TTC28: variants seen among roughly 807,000 people sequenced by gnomAD.
TTC28 encodes the protein tetratricopeptide repeat protein 28.
In TTC28, 61 loss-of-function variants were observed where a neutral mutation model predicts 198.0. The ratio of observed to expected loss-of-function variants is 0.31; its 90% CI spans 0.25 to 0.38. The LOEUF is 0.38. Among genes scored for constraint, TTC28 ranks in the 10% least tolerant of loss-of-function variants. TTC28 has a pLI of 1.00. For missense variants in TTC28, 2,678 were observed against 3,164.0 expected (o/e 0.85, Z 3.69); for synonymous variants, 1,171 against 1,297.8 (o/e 0.90, Z 2.10).
At chr22:28,026,827 T>C (rs925758291) in intron 13 of TTC28, among the ~76,000 whole-genome samples, 1 of 152,218 alleles carries the variant, frequency 6.6e-6, no homozygotes, top group African/African-American at 2.4e-5. Flanking sequence ...CTCCACATTG[T>C]GTCACACACA....
At chr22:28,022,678 C>T (rs1378338217) in intron 13 of TTC28, among the ~76,000 whole-genome samples, 2 of 152,258 alleles carry the variant, frequency 1.3e-5, no homozygotes, top group Non-Finnish European at 2.9e-5. Context: ...AACCAGGATG[C>T]TCCTAAATCC....
At chr22:28,173,122 C>G (rs929503619) in intron 5 of TTC28, among the ~76,000 whole-genome samples, 16 of 152,156 alleles carry the variant, frequency 1.1e-4, no homozygotes, top group Admixed American at 3.3e-4. Context: ...GACCAAACAC[C>G]TATATTGCTG....
At chr22:28,670,103 G>C (rs939513218) in intron 1 of TTC28, among the ~76,000 whole-genome samples, 2 of 147,756 alleles carry the variant, frequency 1.4e-5, no homozygotes, top group Non-Finnish European at 3.0e-5. Context: ...AAAAATGGGG[G>C]GGGGGCAAAT....
At chr22:28,201,152 T>C (rs982863794) in intron 5 of TTC28, among the ~76,000 whole-genome samples, 1 of 152,054 alleles carries the variant, frequency 6.6e-6, no homozygotes, top group African/African-American at 2.4e-5. Context: ...TTGAGAAAAG[T>C]ATAGGAGAAG....
chr22:28,199,445 G>A (rs918865768), intron 5 of TTC28, among the ~76,000 whole-genome samples: 13 of 135,876 alleles, frequency 9.6e-5, no homozygotes, highest in Non-Finnish European at 1.9e-4. Context: ...GGAGTTCAAG[G>A]TTTCACTGAC....
At chr22:28,519,129 A>C (rs946470581) in intron 2 of TTC28, among the ~76,000 whole-genome samples, 2 of 152,206 alleles carry the variant, frequency 1.3e-5, no homozygotes, top group African/African-American at 2.4e-5. Flanking sequence ...AGCAGGAAGC[A>C]AGCCATTGAT....
At chr22:28,132,560 C>T (rs1166220888) in intron 6 of TTC28, among the ~76,000 whole-genome samples, 4 of 152,144 alleles carry the variant, frequency 2.6e-5, no homozygotes, top group African/African-American at 9.7e-5. Context: ...AAACCCTTTC[C>T]AGTTCCAACA....
intron 2 of TTC28, among the ~76,000 whole-genome samples, chr22:28,459,632 G>T (rs2047918269): frequency 6.6e-6 from 1 of 152,122 alleles, no homozygotes; most frequent in African/African-American, 2.4e-5. Flanking sequence ...TTTCTTTCTT[G>T]TTACTACTGT....
intron 5 of TTC28, among the ~76,000 whole-genome samples, chr22:28,293,948 G>T (rs1281849897): frequency 5.9e-5 from 9 of 152,128 alleles, no homozygotes; most frequent in East Asian, 1.9e-4. Flanking sequence ...ACTGTGAAAA[G>T]GGAATGGCCA....
At chr22:28,370,128 A>G (rs988283152) in intron 2 of TTC28, among the ~76,000 whole-genome samples, 1 of 152,108 alleles carries the variant, frequency 6.6e-6, no homozygotes, top group Non-Finnish European at 1.5e-5. Flanking sequence ...GAGAGCTATC[A>G]AAGTATTTAC....
At chr22:28,166,966 G>T (rs1343417221) in intron 5 of TTC28, among the ~76,000 whole-genome samples, 2 of 152,054 alleles carry the variant, frequency 1.3e-5, no homozygotes, top group Non-Finnish European at 2.9e-5. Flanking sequence ...TCAAATAGAT[G>T]CAATAAAAAA....
At chr22:28,546,456 A>G (rs1224215234) in intron 2 of TTC28, among the ~76,000 whole-genome samples, 11 of 152,140 alleles carry the variant, frequency 7.2e-5, no homozygotes, top group Non-Finnish European at 1.6e-4. Flanking sequence ...AAAAAACAAC[A>G]AACAAACAAA....
At chr22:28,198,625 A>G (rs570776930) in intron 5 of TTC28, among the ~76,000 whole-genome samples, 1 of 152,250 alleles carries the variant, frequency 6.6e-6, no homozygotes, top group East Asian at 1.9e-4. Flanking sequence ...TAACACACAA[A>G]GAAAGTTTGG....
At chr22:28,085,288 G>A (rs1405351838) in intron 12 of TTC28, among the ~76,000 whole-genome samples, 1 of 152,082 alleles carries the variant, frequency 6.6e-6, no homozygotes, top group Non-Finnish European at 1.5e-5. Flanking sequence ...ACAAAGGGAA[G>A]CCCATCAGAC....
chr22:28,007,671 G>A (rs1937983047), intron 14 of TTC28: 1 of 152,188 alleles, frequency 6.6e-6, no homozygotes, highest in African/African-American at 2.4e-5. Flanking sequence ...ACCCCTAGTG[G>A]CAGAAGACCC....
chr22:28,443,791 C>A (rs562664029), intron 2 of TTC28, among the ~76,000 whole-genome samples: 2 of 151,980 alleles, frequency 1.3e-5, no homozygotes, highest in South Asian at 2.1e-4. Flanking sequence ...AGGCACCCAA[C>A]GGCTCCTAAG....
intron 2 of TTC28, among the ~76,000 whole-genome samples, chr22:28,481,357 T>C (rs1325196508): frequency 6.6e-6 from 1 of 152,176 alleles, no homozygotes; most frequent in Non-Finnish European, 1.5e-5. Flanking sequence ...CGGAAACCAT[T>C]GCTAATAATT....
intron 2 of TTC28, among the ~76,000 whole-genome samples, chr22:28,522,502 A>G (rs1482604503): frequency 5.3e-5 from 8 of 152,162 alleles, no homozygotes; most frequent in Non-Finnish European, 8.8e-5. Flanking sequence ...AAAAAAAAAA[A>G]AACTGAGACA....
At position 27,996,115 on chromosome 22, in the gene TTC28, A is replaced by T. The variant is rs760686968; in HGVS notation, c.5244+20T>A. On this transcript the variant is annotated intron_variant, in intron 17 of 22. Coordinates refer to ENST00000397906, the MANE Select transcript of TTC28 (RefSeq NM_001145418.2). ...AGCACTGCCAGCTCTCGTTGAGTGC[A>T]GGGTGCCCGACCCCCTTACCAGGTG... is the stretch of plus-strand genomic sequence containing the variant. 1.9e-6 allele frequency: 3 copies of T among 1,543,414 alleles called. No individual in the cohort carries two copies. Among genetic ancestry groups the T allele is most frequent in the Middle Eastern group, 1.7e-4 (1 of 5,972 alleles).
Sources: gnomAD v4.1 joint callset for allele counts (sites outside exome capture counted in the v4.1 genomes callset) on GRCh38, gnomAD v4.1.1 for gene constraint, MANE v1.5 for transcripts, NCBI Gene and HGNC (gene_info 2026-07-23, HGNC 2026-07-21) for gene names.